The following CCND3 variants were observed in gnomAD, a reference collection of about 807,000 sequenced individuals.
The protein encoded by CCND3 is cyclin D3, also known as G1/S-specific cyclin-D3.
A neutral mutation model predicts 28.7 loss-of-function variants in CCND3; 9 were observed. That is an observed-to-expected ratio of 0.31 (90% CI 0.19 to 0.55). The LOEUF (loss-of-function observed/expected upper bound fraction) is 0.55. Among genes scored for constraint, CCND3 ranks in the 20% least tolerant of loss-of-function variants. CCND3 has a pLI of 0.93. For missense variants in CCND3, 315 were observed against 385.8 expected, an observed-to-expected ratio of 0.82 and a Z score of 1.54; for synonymous variants, 164 against 163.9, an observed-to-expected ratio of 1.00 and a Z score of 0.00.
intron 1 of CCND3, among the ~76,000 whole-genome samples, chr6:42,047,513 AGTCCAG>A (rs1353803082): frequency 6.6e-6 from 1 of 152,160 alleles, no homozygotes; most frequent in African/African-American, 2.4e-5. Flanking sequence ...ACAGTCTCAG[AGTCCAG>A]GGATGAGGAG....
At chr6:42,046,378 T>C (rs1225477583) in intron 1 of CCND3, among the ~76,000 whole-genome samples, 1 of 152,182 alleles carries the variant, frequency 6.6e-6, no homozygotes, top group Non-Finnish European at 1.5e-5. Context: ...ATCTTAAGCC[T>C]GGACCCACTC....
In CCND3 at chr6:41,941,012, C is replaced by G. The variant is rs1488365957; in HGVS notation, c.199-427G>C. ...CTGCACTTTTCATTTCCCTGTCGGCCGGAACAGGGCGCGCGCCACCCCCAT... is the reference window on the plus strand; with the variant it reads ...CTGCACTTTTCATTTCCCTGTCGGCGGGAACAGGGCGCGCGCCACCCCCAT... On this transcript the variant is annotated intron_variant, in intron 1 of 4. Transcript: ENST00000372991. The surrounding 1 kb of genome is among the most constrained non-coding windows in gnomAD (Gnocchi z 6.1). 1 of 1,611,424 alleles carries G rather than the reference C, an allele frequency of 6.2e-7. No homozygotes were observed. Among genetic ancestry groups the G allele is most frequent in the Non-Finnish European group, 8.5e-7 (1 of 1,179,012 alleles).
chr6:41,990,922 C>G (rs1282281446), intron 1 of CCND3, among the ~76,000 whole-genome samples: 1 of 151,912 alleles, frequency 6.6e-6, no homozygotes, highest in Non-Finnish European at 1.5e-5. Context: ...CTAAGGTGAT[C>G]CGCCCACCTC....
upstream of CCND3, among the ~76,000 whole-genome samples, chr6:41,942,660 CTG>C (rs1776068915): frequency 6.6e-6 from 1 of 152,112 alleles, no homozygotes; most frequent in Admixed American, 6.5e-5. Context: ...TGCACAGACT[CTG>C]TGAGATCTAC....
chr6:42,022,419 G>C (rs1324774122), intron 1 of CCND3, among the ~76,000 whole-genome samples: 1 of 152,198 alleles, frequency 6.6e-6, no homozygotes, highest in Non-Finnish European at 1.5e-5. Flanking sequence ...GCGGGGAGGA[G>C]ATGTAAGAAT....
At chr6:41,948,978 A>G (rs1776238898) in intron 1 of CCND3, among the ~76,000 whole-genome samples, 3 of 152,214 alleles carry the variant, frequency 2.0e-5, no homozygotes, top group Admixed American at 2.0e-4. Flanking sequence ...TCCAAAGCTC[A>G]AAAAGTACTG....
chr6:42,015,289 G>A (rs1053843069), intron 1 of CCND3, among the ~76,000 whole-genome samples: 5 of 152,206 alleles, frequency 3.3e-5, no homozygotes, highest in African/African-American at 1.2e-4. Context: ...TTCTGAGTGA[G>A]TGGTGGGGGC....
chr6:41,944,532 C>T (rs992723179), upstream of CCND3, among the ~76,000 whole-genome samples: 3 of 152,104 alleles, frequency 2.0e-5, no homozygotes, highest in Non-Finnish European at 2.9e-5. Flanking sequence ...AGTGATTCTC[C>T]TGCCTCAGCT....
Position 42,022,801 on chromosome 6 carries a change from C to T in CCND3, c.-46+25700G>A, listed in dbSNP as rs541281301. On this transcript the variant is annotated intron_variant, in intron 1 of 4. Transcript: ENST00000372988. ...GCAGGGCAGGGCTTCCTCACCCCTC[C>T]GCCAGTGCAGCCAGGGCAGCAACAT... Among the ~76,000 whole-genome samples, 22 of 152,266 alleles carry T rather than the reference C, an allele frequency of 1.4e-4. No individual in the cohort carries two copies. In the East Asian group the frequency reaches 3.9e-3, roughly 27 times the overall value.
intron 1 of CCND3, among the ~76,000 whole-genome samples, chr6:41,972,836 G>A (rs187276577): frequency 1.3e-5 from 2 of 151,268 alleles, no homozygotes; most frequent in Non-Finnish European, 2.9e-5. Context: ...GGGCAACAGA[G>A]TGAAACCCCA....
Position 41,986,108 on chromosome 6 carries a change from G to A in CCND3, c.-45-45523C>T, listed in dbSNP as rs192824837. Among the ~76,000 whole-genome samples the A allele has an allele frequency of 2.0e-5, 3 of 152,072 alleles. No homozygotes were observed. In the Admixed American group the frequency reaches 2.0e-4, roughly 10 times the overall value. On this transcript the variant is annotated intron_variant, in intron 1 of 4. Coordinates refer to the CCND3 transcript ENST00000372988. Reference sequence around the variant, plus strand: ...ACCATAAATGTGTGGACTTATTTCTGGGTTCCCTATTCTGTTCCGTTGGTC... The same window carrying A: ...ACCATAAATGTGTGGACTTATTTCTAGGTTCCCTATTCTGTTCCGTTGGTC...
At chr6:42,026,591 A>G (rs1226469824) in intron 1 of CCND3, among the ~76,000 whole-genome samples, 1 of 152,038 alleles carries the variant, frequency 6.6e-6, no homozygotes, top group Non-Finnish European at 1.5e-5. Flanking sequence ...TACCCTTCTC[A>G]TCTAGATCTC....
At chr6:41,974,626 C>T (rs1164642297) in intron 1 of CCND3, among the ~76,000 whole-genome samples, 2 of 152,122 alleles carry the variant, frequency 1.3e-5, no homozygotes, top group Non-Finnish European at 2.9e-5. Flanking sequence ...TTAGCCGGGT[C>T]ACAGAGAGGC....
chr6:41,975,927 G>A (rs557572977), intron 1 of CCND3, among the ~76,000 whole-genome samples: 46 of 151,784 alleles, frequency 3.0e-4, no homozygotes, highest in African/African-American at 9.2e-4. Flanking sequence ...CTGCAGCCTC[G>A]AACTCTCAGG....
At chr6:42,040,322 G>A (rs888098450) in intron 1 of CCND3, among the ~76,000 whole-genome samples, 3 of 152,192 alleles carry the variant, frequency 2.0e-5, no homozygotes, top group Non-Finnish European at 4.4e-5. Flanking sequence ...GGAGGCTGAG[G>A]TAGGAGAATC....
rs1291531139 is a variant in CCND3 at position 41,985,624 on chromosome 6, CTTTTTTTTTTTT to C, written c.-45-45051_-45-45040del. Among the ~76,000 whole-genome samples the C allele has an allele frequency of 3.6e-3, 3 of 832 alleles. 1 individual carries two copies. Among genetic ancestry groups the C allele is most frequent in the Non-Finnish European group, 0.071 (2 of 28 alleles). 0.5% of individuals were successfully genotyped at this position (832 alleles called of 152,430 possible). A position where few individuals can be genotyped will look rare whatever the true frequency, so the allele number is the denominator to read the frequency against. Reference sequence around the variant, plus strand: ...GCCACCATGCCTGGCCAGTTTAAGTCTTTTTTTTTTTTTTTTTTTTTTTGAGACGGAGTCTCG... The same window carrying C: ...GCCACCATGCCTGGCCAGTTTAAGTCTTTTTTTTTTTGAGACGGAGTCTCG... On this transcript the variant is annotated intron_variant, in intron 1 of 4. Coordinates refer to the CCND3 transcript ENST00000372988.
chr6:41,945,335 A>C (rs1027709331), upstream of CCND3, among the ~76,000 whole-genome samples: 1 of 152,100 alleles, frequency 6.6e-6, no homozygotes, highest in Non-Finnish European at 1.5e-5. Flanking sequence ...CCAACATGGT[A>C]AAACCTTGTC....
chr6:41,990,293 G>T (rs942752066), intron 1 of CCND3, among the ~76,000 whole-genome samples: 1 of 151,964 alleles, frequency 6.6e-6, no homozygotes, highest in African/African-American at 2.4e-5. Context: ...AGAAATTGAA[G>T]TTGAAGATGA....
At chr6:42,039,870 A>C (rs972713723) in intron 1 of CCND3, among the ~76,000 whole-genome samples, 3 of 152,170 alleles carry the variant, frequency 2.0e-5, no homozygotes, top group South Asian at 4.1e-4. Flanking sequence ...ACAATCCTAA[A>C]GCACTGGCCA....
Sources: allele counts gnomAD v4.1 joint callset (sites outside exome capture counted in the v4.1 genomes callset), GRCh38; gene constraint gnomAD v4.1.1; non-coding constraint Gnocchi (gnomAD v3.1); transcripts MANE v1.5; gene names NCBI Gene and HGNC (gene_info 2026-07-23, HGNC 2026-07-21).